LGI2: variants seen among roughly 807,000 people sequenced by gnomAD.
The protein encoded by LGI2 is leucine-rich repeat LGI family member 2.
LGI2 carries 30 observed loss-of-function variants against 52.0 expected under a neutral mutation model. That is an observed-to-expected ratio of 0.58 (90% CI 0.43 to 0.78). The LOEUF (loss-of-function observed/expected upper bound fraction) is 0.78. Ranked by LOEUF, LGI2 falls within the 30% of genes least tolerant of loss-of-function variation. The pLI, the probability that LGI2 is intolerant of heterozygous loss-of-function variation, is 0.00. For synonymous variants in LGI2, 270 were observed against 271.8 expected (o/e 0.99, Z 0.06); for missense variants, 573 against 692.5 (o/e 0.83, Z 1.94).
chr4:25,015,701 C>T (rs1447885106), intron 6 of LGI2, among the ~76,000 whole-genome samples: 1 of 151,990 alleles, frequency 6.6e-6, no homozygotes, highest in Non-Finnish European at 1.5e-5. Flanking sequence ...CTCATTTGTT[C>T]CCCCGACCCC....
chr4:25,030,361 T>C (rs1342515712), intron 1 of LGI2, 136 bp downstream of exon 1: 1 of 893,350 alleles, frequency 1.1e-6, no homozygotes, highest in Non-Finnish European at 1.7e-6. Flanking sequence ...TCCACCCACG[T>C]CCCCCACACA....
At chr4:25,006,432 G>A (rs549982839) in intron 7 of LGI2, among the ~76,000 whole-genome samples, 1 of 152,324 alleles carries the variant, frequency 6.6e-6, no homozygotes, top group Admixed American at 6.5e-5. Flanking sequence ...TTCTAAGGAT[G>A]ATTCCATTTC....
intron 6 of LGI2, among the ~76,000 whole-genome samples, chr4:25,012,920 G>C (rs1476274654): frequency 6.6e-6 from 1 of 152,212 alleles, no homozygotes; most frequent in Non-Finnish European, 1.5e-5. Context: ...TGTACTTCCA[G>C]CTCTCTCAGA....
intron 2 of LGI2, 126 bp from the exon 3 acceptor site, chr4:25,027,065 C>G: frequency 2.8e-6 from 2 of 706,690 alleles, no homozygotes; most frequent in Non-Finnish European, 4.9e-6. Context: ...CCTAAGGAGA[C>G]CACATTTTGT....
At chr4:24,993,821 A>C in the LGI2 span, among the ~76,000 whole-genome samples, 5 of 152,362 alleles carry the variant, frequency 3.3e-5, no homozygotes, top group South Asian at 6.2e-4. Flanking sequence ...TTATTGCGAC[A>C]GAAAATGCAA....
chr4:25,018,065 C>T lies in LGI2; in HGVS notation c.579G>A (p.Leu193=), dbSNP rs748392798. The T allele has an allele frequency of 4.3e-6, 7 of 1,613,694 alleles. No individual in the cohort carries two copies. In the Admixed American group the frequency reaches 5.0e-5, roughly 12 times the overall value. The change falls in exon 6 of 8, where the codon CTG becomes CTA. Residue 193 remains leucine, a synonymous_variant. Coordinates refer to ENST00000382114, the MANE Select transcript of LGI2 (RefSeq NM_018176.4). ...CCTGATACTCTGGTGGACCAATACA[C>T]AGCACATCAGAAACGGTGGAATTTG... ...KMTNSTVSDV[L]CIGPPEYQEK... is the part of the protein sequence containing the mutation.
At chr4:24,995,565 G>A (rs1049570189), downstream of LGI2, among the ~76,000 whole-genome samples, 2 of 152,252 alleles carry the variant, frequency 1.3e-5, no homozygotes, top group African/African-American at 4.8e-5. Context: ...CCCTCAACAG[G>A]CTGCTTGAGT....
chr4:25,028,647 C>A, intron 1 of LGI2, 69 bp from the exon 2 acceptor site: 2 of 1,300,494 alleles, frequency 1.5e-6, no homozygotes, highest in South Asian at 2.5e-5. Context: ...GGTGGGTAAT[C>A]AAACTCTGCC....
At chr4:25,013,565 G>C (rs1725657346) in intron 6 of LGI2, among the ~76,000 whole-genome samples, 1 of 152,214 alleles carries the variant, frequency 6.6e-6, no homozygotes, top group Admixed American at 6.5e-5. Flanking sequence ...TCCCATGACG[G>C]CACTGAAAGA....
chr4:25,028,300 A>G (rs1252084079), intron 2 of LGI2, among the ~76,000 whole-genome samples: 2 of 152,206 alleles, frequency 1.3e-5, no homozygotes, highest in African/African-American at 4.8e-5. Flanking sequence ...TGAAGAAAAC[A>G]GGTATCGAAC....
At chr4:25,005,536 T>TA (rs1725368450) in intron 7 of LGI2, among the ~76,000 whole-genome samples, 1 of 151,526 alleles carries the variant, frequency 6.6e-6, no homozygotes, top group South Asian at 2.1e-4. Context: ...AATAAATAGA[T>TA]ACAATTTTAA....
chr4:25,020,332 T>G (rs1294884222), intron 4 of LGI2, among the ~76,000 whole-genome samples: 1 of 152,174 alleles, frequency 6.6e-6, no homozygotes, highest in African/African-American at 2.4e-5. Context: ...ATGCACAGCA[T>G]CAACTCTTTC....
In LGI2 at chr4:25,004,195, A is replaced by T; in HGVS notation, c.894T>A (p.Gly298=). 1 of 1,614,198 alleles carries T rather than the reference A, an allele frequency of 6.2e-7. No individual in the cohort carries two copies. The highest frequency in any genetic ancestry group is 8.5e-7 in the Non-Finnish European group (1 of 1,180,044). ...QVFVVVAQLF[G]GSHIYKYDES... ...CGTCGTATTTGTAAATGTGAGAGCC[A>T]CCGAAGAGCTGGGCTACCACCACAA... Residue 298 remains glycine, a synonymous_variant, in exon 8 of 8, where the codon GGT becomes GGA. Transcript: ENST00000382114. This position sits in a 1 kb window ranked among gnomAD's most constrained non-coding sequence, Gnocchi z 4.6.
In LGI2 at chr4:25,030,840, G is replaced by C; in HGVS notation, c.-147C>G. On this transcript the variant is annotated 5_prime_UTR_variant, in exon 1 of 8. Transcript: ENST00000382114. ...TAGGGAGCCGCGGGTGTGGGAGGCC[G>C]AGCCGCAGCCGAGCAGCATGCTGGC... 3.7e-6 allele frequency: 1 copy of C among 272,536 alleles called. No homozygotes were observed. The highest frequency in any genetic ancestry group is 5.7e-6 in the Non-Finnish European group (1 of 176,088). The allele number at this position is 272,536 out of a possible 1,614,324, so 16.9% of individuals were successfully genotyped here.
intron 7 of LGI2, among the ~76,000 whole-genome samples, chr4:25,008,189 T>G (rs1577547867): frequency 6.6e-6 from 1 of 152,288 alleles, no homozygotes; most frequent in African/African-American, 2.4e-5. Context: ...GGAGCAGTTT[T>G]AATGGAAATC....
intron 2 of LGI2, among the ~76,000 whole-genome samples, chr4:25,027,706 AT>A (rs756099981): frequency 5.3e-5 from 8 of 152,202 alleles, no homozygotes; most frequent in Non-Finnish European, 7.3e-5. Flanking sequence ...GCTTGTTTTA[AT>A]TTCAGTCTCA....
At chr4:25,014,105 G>T (rs1411991108) in intron 6 of LGI2, among the ~76,000 whole-genome samples, 1 of 152,152 alleles carries the variant, frequency 6.6e-6, no homozygotes, top group Non-Finnish European at 1.5e-5. Flanking sequence ...ATCTCCGGTT[G>T]CATTCGACTA....
At chr4:24,994,102 A>C (rs1724981389), downstream of LGI2, among the ~76,000 whole-genome samples, 1 of 152,222 alleles carries the variant, frequency 6.6e-6, no homozygotes, top group Non-Finnish European at 1.5e-5. Context: ...CTGACAAAAC[A>C]GCAAATAAAA....
chr4:25,014,706 C>A (rs1725700757), intron 6 of LGI2, among the ~76,000 whole-genome samples: 1 of 151,738 alleles, frequency 6.6e-6, no homozygotes, highest in South Asian at 2.1e-4. Context: ...TGGTGCATGC[C>A]TGTAGTCCCA....
Sources: allele counts gnomAD v4.1 joint callset (sites outside exome capture counted in the v4.1 genomes callset), GRCh38; gene constraint gnomAD v4.1.1; non-coding constraint Gnocchi (gnomAD v3.1); transcripts MANE v1.5; gene names NCBI Gene and HGNC (gene_info 2026-07-23, HGNC 2026-07-21).